Variants in ENOPH1 observed in about 807,000 individuals in gnomAD.
ENOPH1 encodes the protein enolase-phosphatase E1.
A neutral mutation model predicts 31.1 loss-of-function variants in ENOPH1; 14 were observed. The ratio of observed to expected loss-of-function variants is 0.45; its 90% CI spans 0.30 to 0.70. The LOEUF is 0.70. ENOPH1 is among the 30% of genes least tolerant of loss of function. ENOPH1 has a pLI of 0.09. For missense variants in ENOPH1, 243 were observed against 321.5 expected (o/e 0.76, Z 1.87); for synonymous variants, 127 against 123.2 (o/e 1.03, Z -0.21).
At chr4:82,458,396 A>G (rs1000491471) in intron 5 of ENOPH1, among the ~76,000 whole-genome samples, 5 of 151,928 alleles carry the variant, frequency 3.3e-5, no homozygotes, top group African/African-American at 1.2e-4. Context: ...AATCCTGGCT[A>G]CTCGGCTGGG....
chr4:82,438,523 T>C (rs924581285), intron 1 of ENOPH1, among the ~76,000 whole-genome samples: 1 of 152,086 alleles, frequency 6.6e-6, no homozygotes, highest in African/African-American at 2.4e-5. Context: ...CATGGTGATG[T>C]GCACCTGTAA....
At chr4:82,441,617 G>A (rs1722044423) in intron 1 of ENOPH1, among the ~76,000 whole-genome samples, 1 of 152,074 alleles carries the variant, frequency 6.6e-6, no homozygotes, top group Admixed American at 6.6e-5. Flanking sequence ...CTGGGCGACA[G>A]AGCGAGACTG....
intron 3 of ENOPH1, among the ~76,000 whole-genome samples, chr4:82,454,050 T>TAAAA: frequency 7.4e-6 from 1 of 134,868 alleles, no homozygotes; most frequent in African/African-American, 2.8e-5. Context: ...TACAAAAAAT[T>TAAAA]AAAAAAAAAA....
At position 82,430,668 on chromosome 4, in the gene ENOPH1, A is replaced by G. The variant is rs8732; in HGVS notation, c.-162A>G. 56,588 of 620,752 alleles carry G rather than the reference A, an allele frequency of 0.091. 3,046 individuals are homozygous for G. Among genetic ancestry groups the G allele is most frequent in the African/African-American group, 0.19 (10,495 of 54,000 alleles). The allele number at this position is 620,752 out of a possible 1,614,324, so 38.5% of individuals were successfully genotyped here. The stretch of plus-strand genomic sequence containing the variant: ...CCTTTTCCAGTTCCAGGTGTGCAGA[A>G]GTGTCCTCTCCCCACGCGCGGCGGG... On this transcript the variant is annotated 5_prime_UTR_variant, in exon 1 of 6. Coordinates refer to ENST00000273920, the MANE Select transcript of ENOPH1 (RefSeq NM_021204.5).
rs1722614353 is a variant in ENOPH1, at chr4:82,460,329, C to T, written c.*209C>T. 1 of 456,040 alleles carries T rather than the reference C, an allele frequency of 2.2e-6. No individual in the cohort carries two copies. Among genetic ancestry groups the T allele is most frequent in the Non-Finnish European group, 3.8e-6 (1 of 261,236 alleles). 28.2% of individuals were successfully genotyped at this position (456,040 alleles called of 1,614,324 possible). A position where few individuals can be genotyped will look rare whatever the true frequency, so the allele number is the denominator to read the frequency against. ...TGAACACAAAACTTATTTAAAGATG[C>T]TTTATATGTAGAAATTGTTTCAAAT... On this transcript the variant is annotated 3_prime_UTR_variant, in exon 6 of 6. Coordinates refer to ENST00000273920, the MANE Select transcript of ENOPH1 (RefSeq NM_021204.5).
chr4:82,441,815 C>A (rs1266648718), intron 1 of ENOPH1, among the ~76,000 whole-genome samples: 2 of 151,872 alleles, frequency 1.3e-5, no homozygotes, highest in East Asian at 3.9e-4. Context: ...TTTAAAAAAC[C>A]AAAAAAGCCT....
At chr4:82,446,928 G>A (rs6852587) in intron 1 of ENOPH1, among the ~76,000 whole-genome samples, 15,164 of 148,880 alleles carry the variant, frequency 0.1, 1,638 homozygotes, top group African/African-American at 0.28. Context: ...GGATGGTCTC[G>A]ATCTCCTGAC....
intron 1 of ENOPH1, among the ~76,000 whole-genome samples, chr4:82,442,800 T>C (rs528689366): frequency 6.6e-6 from 1 of 152,308 alleles, no homozygotes; most frequent in African/African-American, 2.4e-5. Flanking sequence ...ATGTGATTTA[T>C]ATTTAGGAAC....
chr4:82,460,057 TGAG>T lies in ENOPH1; in HGVS notation c.724_726del (p.Glu242del). 2 of 1,614,194 alleles carry T rather than the reference TGAG, an allele frequency of 1.2e-6. No homozygotes were observed. Among genetic ancestry groups the T allele is most frequent in the Non-Finnish European group, 1.7e-6 (2 of 1,180,032 alleles). On this transcript the variant is annotated inframe_deletion, in exon 6 of 6. Transcript: ENST00000273920. ...CAGGCAACGCAGGATTAACAGATGA[TGAG>T]AAGACTTACTACAGCCTCATCACAT...
At chr4:82,441,417 TC>T (rs1174124334) in intron 1 of ENOPH1, among the ~76,000 whole-genome samples, 3 of 152,082 alleles carry the variant, frequency 2.0e-5, no homozygotes, top group Non-Finnish European at 4.4e-5. Context: ...GGTCAGGAGA[TC>T]GAGACCATCC....
intron 1 of ENOPH1, among the ~76,000 whole-genome samples, chr4:82,443,510 C>T (rs1247289513): frequency 1.3e-5 from 2 of 151,648 alleles, no homozygotes; most frequent in African/African-American, 2.4e-5. Context: ...TGGCAGATCA[C>T]GAGGTCAGGA....
In ENOPH1 at chr4:82,460,032, C is replaced by T. The variant is rs754294671; in HGVS notation, c.698C>T (p.Pro233Leu). 3 of 1,614,090 alleles carry T rather than the reference C, an allele frequency of 1.9e-6. No individual in the cohort carries two copies. Among genetic ancestry groups the T allele is most frequent in the Non-Finnish European group, 2.5e-6 (3 of 1,180,020 alleles). ...ADVHVAVVVR[P>L]GNAGLTDDEK... Reference sequence around the variant, plus strand: ...GTGCACGTAGCTGTGGTGGTGAGACCAGGCAACGCAGGATTAACAGATGAT... The same window carrying T: ...GTGCACGTAGCTGTGGTGGTGAGACTAGGCAACGCAGGATTAACAGATGAT... Residue 233 changes from proline to leucine, a missense_variant, in exon 6 of 6, where the codon CCA becomes CTA. By Grantham distance (98) the Pro-to-Leu change is moderately conservative. Coordinates refer to ENST00000273920, the MANE Select transcript of ENOPH1 (RefSeq NM_021204.5).
At chr4:82,438,116 C>G (rs1356448007) in intron 1 of ENOPH1, among the ~76,000 whole-genome samples, 3 of 152,084 alleles carry the variant, frequency 2.0e-5, no homozygotes, top group Non-Finnish European at 2.9e-5. Context: ...TAGAAACTTG[C>G]ATCTGTTAAT....
chr4:82,435,998 G>A (rs763417835), intron 1 of ENOPH1, among the ~76,000 whole-genome samples: 4 of 152,176 alleles, frequency 2.6e-5, no homozygotes, highest in Non-Finnish European at 5.9e-5. Context: ...TGCAGGAAGT[G>A]TCAGACTGGA....
Position 82,430,644 on chromosome 4 carries a change from C to T in ENOPH1, c.-186C>T, listed in dbSNP as rs917923106. ...GAGTTCAGGGCTCCTGGGCGGCCGC[C>T]TTTTCCAGTTCCAGGTGTGCAGAAG... On this transcript the variant is annotated 5_prime_UTR_variant, in exon 1 of 6. Transcript: ENST00000273920. 3.4e-6 allele frequency: 2 copies of T among 584,492 alleles called. No homozygotes were observed. Among genetic ancestry groups the T allele is most frequent in the South Asian group, 2.0e-5 (1 of 48,956 alleles). 36.2% of individuals were successfully genotyped at this position (584,492 alleles called of 1,614,324 possible).
At position 82,451,192 on chromosome 4, in the gene ENOPH1, G is replaced by A. The variant is rs755576977; in HGVS notation, c.336G>A (p.Gln112=). ...SLDRKTTALK[Q]LQGHMWRAAF... ...ATCGAAAGACCACTGCACTCAAACA[G>A]CTGCAGGGCCACATGTGGAGGGCGG... The change falls in exon 3 of 6, where the codon CAG becomes CAA. Residue 112 remains glutamine, a synonymous_variant. Transcript: ENST00000273920. 1.2e-6 allele frequency: 2 copies of A among 1,614,226 alleles called. No individual in the cohort carries two copies. The highest frequency in any genetic ancestry group is 2.2e-5 in the South Asian group (2 of 91,090).
chr4:82,447,873 A>C (rs1425227633), intron 1 of ENOPH1, 47 bp from the exon 2 acceptor site: 3 of 1,189,698 alleles, frequency 2.5e-6, no homozygotes, highest in Non-Finnish European at 3.6e-6. Context: ...GATCTTTTAC[A>C]ACTGATAAAA....
intron 2 of ENOPH1, among the ~76,000 whole-genome samples, chr4:82,448,273 T>G (rs1056041479): frequency 1.3e-5 from 2 of 150,780 alleles, no homozygotes; most frequent in Non-Finnish European, 3.0e-5. Flanking sequence ...TTTTTTTGTT[T>G]TTTTTTGAGA....
At chr4:82,438,250 C>T (rs1721958210) in intron 1 of ENOPH1, among the ~76,000 whole-genome samples, 1 of 152,162 alleles carries the variant, frequency 6.6e-6, no homozygotes, top group African/African-American at 2.4e-5. Context: ...CTGATATGCT[C>T]CTGCCATCCA....
Sources: gnomAD v4.1 joint callset for allele counts (sites outside exome capture counted in the v4.1 genomes callset) on GRCh38, gnomAD v4.1.1 for gene constraint, MANE v1.5 for transcripts, NCBI Gene and HGNC (gene_info 2026-07-23, HGNC 2026-07-21) for gene names.